MARCHF1: variants seen among roughly 807,000 people sequenced by gnomAD.
MARCHF1 encodes E3 ubiquitin-protein ligase MARCHF1.
MARCHF1 carries 40 observed loss-of-function variants against 54.2 expected under a neutral mutation model. The observed-to-expected ratio is 0.74, with a 90% CI of 0.57 to 0.96. MARCHF1 has a LOEUF of 0.96. Among genes scored for constraint, MARCHF1 ranks in the 40% least tolerant of loss-of-function variants. MARCHF1 has a pLI of 0.00. For synonymous variants in MARCHF1, 236 were observed against 236.3 expected (o/e 1.00, Z 0.01); for missense variants, 586 against 656.5 (o/e 0.89, Z 1.17).
At position 163,527,510 on chromosome 4, in the gene MARCHF1, A is replaced by T. The variant is rs1308441287; in HGVS notation, c.*1238T>A. On this transcript the variant is annotated 3_prime_UTR_variant, in exon 10 of 10. Transcript: ENST00000514618. ...AATTTATTTATTTCACAACTCTGCT[A>T]TAGGCAGATTGATTGTTTTATCTTT... 1.6e-5 allele frequency: 2 copies of T among 123,126 alleles called. No homozygotes were observed. The highest frequency in any genetic ancestry group is 3.8e-5 in the Non-Finnish European group (2 of 52,530). 7.6% of individuals were successfully genotyped at this position (123,126 alleles called of 1,614,324 possible).
chr4:163,542,033 T>C (rs1053945293), intron 9 of MARCHF1, among the ~76,000 whole-genome samples: 2 of 152,228 alleles, frequency 1.3e-5, no homozygotes. Flanking sequence ...CTACAGGAAT[T>C]ACCACGGACA....
chr4:164,024,266 AC>A (rs1020609319), intron 2 of MARCHF1, among the ~76,000 whole-genome samples: 4 of 152,052 alleles, frequency 2.6e-5, no homozygotes, highest in Admixed American at 1.3e-4. Flanking sequence ...CAAGTTGACC[AC>A]CCCTCAAGTA....
intron 5 of MARCHF1, among the ~76,000 whole-genome samples, chr4:163,617,732 A>G (rs901048950): frequency 6.6e-6 from 1 of 152,124 alleles, no homozygotes; most frequent in Non-Finnish European, 1.5e-5. Context: ...CACTGAGTAA[A>G]GGTCACCTGT....
chr4:163,582,677 T>C (rs1381142512), intron 8 of MARCHF1, among the ~76,000 whole-genome samples: 2 of 152,176 alleles, frequency 1.3e-5, no homozygotes, highest in Non-Finnish European at 2.9e-5. Context: ...TGTAATGGAA[T>C]TACCAAGTTG....
At position 163,764,749 on chromosome 4, in the gene MARCHF1, G is replaced by A. The variant is rs1746926896; in HGVS notation, c.112-63886C>T. On this transcript the variant is annotated intron_variant, in intron 4 of 9. Transcript: ENST00000514618. ...TAAAGGTGAGTCAGCAAAGGAGTAT[G>A]ACTAGTTTCAACCATTTCCCACTTC... Among the ~76,000 whole-genome samples the A allele has an allele frequency of 3.3e-5, 5 of 152,188 alleles. No homozygotes were observed. In the South Asian group the frequency reaches 1.0e-3, roughly 32 times the overall value.
chr4:164,149,776 G>A (rs553498482), intron 1 of MARCHF1, among the ~76,000 whole-genome samples: 1 of 152,250 alleles, frequency 6.6e-6, no homozygotes, highest in East Asian at 1.9e-4. Context: ...GATGAATGAT[G>A]TAAAGAAATT....
At chr4:164,042,416 A>G (rs376435425) in intron 2 of MARCHF1, among the ~76,000 whole-genome samples, 1 of 152,176 alleles carries the variant, frequency 6.6e-6, no homozygotes. Flanking sequence ...TTCTTATGGC[A>G]GCAAAAGGGA....
intron 3 of MARCHF1, among the ~76,000 whole-genome samples, chr4:163,943,721 A>G (rs1012897289): frequency 6.7e-6 from 1 of 148,458 alleles, no homozygotes; most frequent in Non-Finnish European, 1.5e-5. Context: ...AAATCTGCAC[A>G]TGTCCCTCTG....
At chr4:164,251,873 A>G (rs1465581815) in intron 1 of MARCHF1, among the ~76,000 whole-genome samples, 1 of 152,194 alleles carries the variant, frequency 6.6e-6, no homozygotes, top group Non-Finnish European at 1.5e-5. Context: ...TGAAAAGTGC[A>G]AAAAATAATT....
intron 2 of MARCHF1, among the ~76,000 whole-genome samples, chr4:164,044,806 A>T: frequency 6.7e-6 from 1 of 148,658 alleles, no homozygotes; most frequent in Admixed American, 6.7e-5. Context: ...GACACTATAT[A>T]TGGACACTAT....
intron 2 of MARCHF1, among the ~76,000 whole-genome samples, chr4:164,060,508 T>A (rs1360351777): frequency 6.6e-6 from 1 of 152,166 alleles, no homozygotes; most frequent in Non-Finnish European, 1.5e-5. Flanking sequence ...AGTCCTGTAG[T>A]GAAACGTGAT....
At chr4:164,251,530 C>A (rs1316352783) in intron 1 of MARCHF1, among the ~76,000 whole-genome samples, 1 of 152,146 alleles carries the variant, frequency 6.6e-6, no homozygotes, top group Non-Finnish European at 1.5e-5. Flanking sequence ...ACAATGATCC[C>A]TTTAATACTT....
At chr4:163,733,045 G>A (rs1003221310) in intron 4 of MARCHF1, among the ~76,000 whole-genome samples, 22 of 149,912 alleles carry the variant, frequency 1.5e-4, no homozygotes, top group African/African-American at 2.2e-4. Context: ...CCAGCTACTC[G>A]GGAGGCTGAG....
At chr4:163,617,606 C>CT (rs1164593289) in intron 5 of MARCHF1, among the ~76,000 whole-genome samples, 2 of 151,912 alleles carry the variant, frequency 1.3e-5, no homozygotes, top group African/African-American at 4.8e-5. Context: ...TAAATAGCTA[C>CT]TTTTTTAAAA....
At chr4:164,116,632 T>C (rs902202330) in intron 1 of MARCHF1, among the ~76,000 whole-genome samples, 1 of 152,048 alleles carries the variant, frequency 6.6e-6, no homozygotes, top group African/African-American at 2.4e-5. Flanking sequence ...TTTTAAATTC[T>C]CAGCTTCTTA....
intron 4 of MARCHF1, among the ~76,000 whole-genome samples, chr4:163,766,532 C>A (rs893947354): frequency 6.6e-6 from 1 of 152,174 alleles, no homozygotes; most frequent in Non-Finnish European, 1.5e-5. Context: ...AGACTCTGTT[C>A]TACTCTCTAG....
chr4:164,030,297 A>G (rs1178176007), intron 2 of MARCHF1, among the ~76,000 whole-genome samples: 1 of 152,126 alleles, frequency 6.6e-6, no homozygotes, highest in African/African-American at 2.4e-5. Context: ...TTAAAAATTT[A>G]GAAAAATAAC....
chr4:163,657,893 T>C (rs1477919119), intron 5 of MARCHF1, among the ~76,000 whole-genome samples: 1 of 151,854 alleles, frequency 6.6e-6, no homozygotes, highest in Non-Finnish European at 1.5e-5. Context: ...CTTCTTTACA[T>C]GTTATATAAA....
intron 3 of MARCHF1, among the ~76,000 whole-genome samples, chr4:163,888,294 G>C (rs74745840): frequency 0.16 from 23,866 of 152,086 alleles, 2,042 homozygotes; most frequent in Non-Finnish European, 0.18. Context: ...CTAAAGAAAA[G>C]AAGTCAAATG....
Sources: allele counts gnomAD v4.1 joint callset (sites outside exome capture counted in the v4.1 genomes callset), GRCh38; gene constraint gnomAD v4.1.1; transcripts MANE v1.5; gene names NCBI Gene and HGNC (gene_info 2026-07-23, HGNC 2026-07-21).